BRD4: variants seen among roughly 807,000 people sequenced by gnomAD.
BRD4 encodes bromodomain containing 4, also known as bromodomain-containing protein 4.
Under a neutral mutation model 142.1 loss-of-function variants are expected in BRD4, and 16 were observed. That is an observed-to-expected ratio of 0.11 (90% confidence interval 0.08 to 0.17). The LOEUF is 0.17. Among genes scored for constraint, BRD4 ranks in the 10% least tolerant of loss-of-function variants. The probability of loss-of-function intolerance (pLI) is 1.00; values close to 1 mark genes in which losing one functional copy is unlikely to be tolerated. For synonymous variants in BRD4, 833 were observed against 707.5 expected (o/e 1.18, Z -2.82); for missense variants, 1,424 against 1,810.9 (o/e 0.79, Z 3.88).
At position 15,258,746 on chromosome 19, in the gene BRD4, ACC is replaced by A. The variant is rs1357924081; in HGVS notation, c.1342-1575_1342-1574del. Among the ~76,000 whole-genome samples, 18 of 151,910 alleles carry A rather than the reference ACC, an allele frequency of 1.2e-4. No homozygotes were observed. The South Asian group carries it at 3.7e-3, about 32-fold the overall frequency. ...TGCCTCAGCCTCCTTGAGAACTGAG[ACC>A]ACCATGCCCAGCTAAATTTTTGTGC... is the stretch of plus-strand genomic sequence containing the variant. On this transcript the variant is annotated intron_variant, in intron 7 of 19. Transcript: ENST00000679869.
intron 1 of BRD4, among the ~76,000 whole-genome samples, chr19:15,311,298 A>C (rs1599516998): frequency 6.6e-6 from 1 of 151,988 alleles, no homozygotes; most frequent in African/African-American, 2.4e-5. Flanking sequence ...TCTCAAAAAA[A>C]AACAAAAAAA....
In BRD4 at chr19:15,271,273, G is replaced by A. The variant is rs145102756; in HGVS notation, c.285+1542C>T. On this transcript the variant is annotated intron_variant, in intron 2 of 19. Transcript: ENST00000679869. ...CCCTCTGCTATTCTGGCACTGATGC[G>A]TTTCCCTTCAAAGCCAAGCTTCTTG... 3.5e-3 allele frequency among the ~76,000 whole-genome samples: 528 copies of A among 152,172 alleles called. 3 individuals carry two copies. Among genetic ancestry groups the A allele is most frequent in the Middle Eastern group, 0.027 (8 of 294 alleles).
At chr19:15,331,859 C>G (rs1395881163) in intron 1 of BRD4, 4 of 144,044 alleles carry the variant, frequency 2.8e-5, no homozygotes, top group Non-Finnish European at 4.6e-5. Context: ...GCCGCGGACC[C>G]CGCGGCGGCC....
intron 1 of BRD4, among the ~76,000 whole-genome samples, chr19:15,286,879 T>A (rs966796227): frequency 2.0e-5 from 3 of 152,212 alleles, no homozygotes; most frequent in Non-Finnish European, 2.9e-5. Flanking sequence ...GTGGGGTTAG[T>A]GCTGACCTCA....
chr19:15,239,584 G>C lies in BRD4; in HGVS notation c.3446-62C>G, dbSNP rs1202867362. On this transcript the variant is annotated intron_variant, in intron 16 of 19. Transcript: ENST00000679869. The surrounding 1 kb of genome is among the most constrained non-coding windows in gnomAD (Gnocchi z 7.4). The stretch of plus-strand genomic sequence containing the variant: ...CACCCCAGTGGGGCATGGTCCACCA[G>C]CCCCACAGCAAGCTTATGTCCAACA... 6.4e-7 allele frequency: 1 copy of C among 1,565,168 alleles called. No individual in the cohort carries two copies. The highest frequency in any genetic ancestry group is 1.9e-5 in the Admixed American group (1 of 52,060).
chr19:15,279,381 G>A lies in BRD4; in HGVS notation c.-34-6248C>T, dbSNP rs540115320. Among the ~76,000 whole-genome samples the A allele has an allele frequency of 6.1e-3, 929 of 152,286 alleles. 6 individuals are homozygous for A. The highest frequency in any genetic ancestry group is 0.01 in the Middle Eastern group (3 of 294). On this transcript the variant is annotated intron_variant, in intron 1 of 19. Coordinates refer to ENST00000679869, the MANE Select transcript of BRD4 (RefSeq NM_001379291.1). ...AATCCAAAACCAGCTCAGAAAGTTT[G>A]AACACTTTCTGCAATGATGGAGTCC...
intron 1 of BRD4, among the ~76,000 whole-genome samples, chr19:15,294,837 G>T (rs1218358129): frequency 6.6e-6 from 1 of 152,192 alleles, no homozygotes; most frequent in Non-Finnish European, 1.5e-5. Flanking sequence ...GGAGCCCTGT[G>T]CAGTGAAGTA....
At chr19:15,256,547 T>A (rs1156447327) in intron 8 of BRD4, among the ~76,000 whole-genome samples, 1 of 152,080 alleles carries the variant, frequency 6.6e-6, no homozygotes, top group Non-Finnish European at 1.5e-5. Context: ...CTCACGGCCA[T>A]CCTGATCGCA....
rs368540009 is a variant in BRD4 at position 15,239,402 on chromosome 19, G to A, written c.3566C>T (p.Ala1189Val). 2.7e-5 allele frequency: 43 copies of A among 1,614,068 alleles called. No homozygotes were observed. Among genetic ancestry groups the A allele is most frequent in the Admixed American group, 1.2e-4 (7 of 60,002 alleles). ...GACCTCCATCCCAACCTTTTTGGGC[G>A]CAACTGGAGTCTTCGGCTCCTGTTT... ...KQKQEPKTPV[A>V]PKKDLKIKNM... Residue 1189 changes from alanine to valine, a missense_variant, in exon 17 of 20, where the codon GCG becomes GTG. This residue lies in a region of BRD4 where 49 missense variants were observed against 97.3 expected (regional missense o/e 0.50). Coordinates refer to ENST00000679869, the MANE Select transcript of BRD4 (RefSeq NM_001379291.1). The surrounding 1 kb of genome is among the most constrained non-coding windows in gnomAD (Gnocchi z 7.4).
At chr19:15,281,226 C>A (rs575425405) in intron 1 of BRD4, among the ~76,000 whole-genome samples, 1 of 152,182 alleles carries the variant, frequency 6.6e-6, no homozygotes, top group East Asian at 1.9e-4. Flanking sequence ...CCCTGCCCCC[C>A]ACCCCTTGGA....
chr19:15,329,427 G>A (rs2048137870), intron 1 of BRD4, among the ~76,000 whole-genome samples: 1 of 152,134 alleles, frequency 6.6e-6, no homozygotes, highest in Non-Finnish European at 1.5e-5. Flanking sequence ...TCACTGAGGT[G>A]CCAAATGGTT....
At chr19:15,292,578 A>T (rs1422280706) in intron 1 of BRD4, among the ~76,000 whole-genome samples, 1 of 152,024 alleles carries the variant, frequency 6.6e-6, no homozygotes, top group Non-Finnish European at 1.5e-5. Flanking sequence ...GGAGATCGAG[A>T]CCATCTTGGC....
chr19:15,306,368 A>C (rs1474898266), intron 1 of BRD4, among the ~76,000 whole-genome samples: 2 of 152,130 alleles, frequency 1.3e-5, no homozygotes, highest in Non-Finnish European at 2.9e-5. Context: ...TCCTAGGCTC[A>C]AGCAATCCTC....
intron 1 of BRD4, among the ~76,000 whole-genome samples, chr19:15,329,188 T>G (rs1002658279): frequency 1.3e-5 from 2 of 151,988 alleles, no homozygotes; most frequent in African/African-American, 4.8e-5. Flanking sequence ...ACCTCGCAAA[T>G]GTACACTCTT....
intron 1 of BRD4, among the ~76,000 whole-genome samples, chr19:15,293,603 G>C (rs201158281): frequency 1.3e-5 from 2 of 152,204 alleles, no homozygotes; most frequent in African/African-American, 2.4e-5. Context: ...GTGTCCCCAA[G>C]CTAGCGACCC....
Position 15,238,272 on chromosome 19 carries a change from C to T in BRD4, c.*105G>A. ...GCATAGCATGCAGGAGGGCCAGGCC[C>T]TGAGGCATCCCCTGGCCGCTGATCC... On this transcript the variant is annotated 3_prime_UTR_variant, in exon 20 of 20. Coordinates refer to ENST00000679869, the MANE Select transcript of BRD4 (RefSeq NM_001379291.1). This position sits in a 1 kb window ranked among gnomAD's most constrained non-coding sequence, Gnocchi z 7.2. 1 of 1,555,038 alleles carries T rather than the reference C, an allele frequency of 6.4e-7. No homozygotes were observed. The highest frequency in any genetic ancestry group is 8.7e-7 in the Non-Finnish European group (1 of 1,145,280).
chr19:15,311,948 C>T (rs1350277968), intron 1 of BRD4, among the ~76,000 whole-genome samples: 2 of 152,154 alleles, frequency 1.3e-5, no homozygotes, highest in African/African-American at 4.8e-5. Context: ...GGAAGTTATT[C>T]GAAGGATACA....
chr19:15,330,213 G>A (rs1228801802), intron 1 of BRD4, among the ~76,000 whole-genome samples: 1 of 152,152 alleles, frequency 6.6e-6, no homozygotes, highest in Non-Finnish European at 1.5e-5. Context: ...TCTGAGACCG[G>A]CTAACTCCAG....
In BRD4 at chr19:15,238,084, G is replaced by T. The variant is rs199798128; in HGVS notation, c.*293C>A. ...TGGCGGAGAGAAGGGCCTCTGCCCC[G>T]CATGTGGGGATGCAGGGCTTGGGTC... On this transcript the variant is annotated 3_prime_UTR_variant, in exon 20 of 20. Transcript: ENST00000679869. This position sits in a 1 kb window ranked among gnomAD's most constrained non-coding sequence, Gnocchi z 7.2. The T allele has an allele frequency of 4.4e-6, 2 of 456,576 alleles. No homozygotes were observed. Among genetic ancestry groups the T allele is most frequent in the South Asian group, 4.9e-5 (2 of 40,492 alleles). 28.3% of individuals were successfully genotyped at this position (456,576 alleles called of 1,614,324 possible).
Sources: gnomAD v4.1 joint callset for allele counts (sites outside exome capture counted in the v4.1 genomes callset) on GRCh38, gnomAD v4.1.1 for gene constraint, gnomAD v4.1.1 regional missense constraint, Gnocchi (gnomAD v3.1) non-coding constraint, MANE v1.5 for transcripts, NCBI Gene and HGNC (gene_info 2026-07-23, HGNC 2026-07-21) for gene names.